Variants in SLC12A6 observed in about 807,000 individuals in gnomAD.
SLC12A6 encodes K-Cl cotransporter 3.
A neutral mutation model predicts 135.3 loss-of-function variants in SLC12A6; 66 were observed. That is an observed-to-expected ratio of 0.49 (90% CI 0.40 to 0.60). The LOEUF is 0.60. Among genes scored for constraint, SLC12A6 ranks in the 20% least tolerant of loss-of-function variants. The pLI, the probability that SLC12A6 is intolerant of heterozygous loss-of-function variation, is 0.00. For missense variants in SLC12A6, 1,058 were observed against 1,452.3 expected (o/e 0.73, Z 4.41); for synonymous variants, 513 against 508.8 (o/e 1.01, Z -0.11).
chr15:34,328,991 T>G (rs1228724767), intron 2 of SLC12A6, among the ~76,000 whole-genome samples: 2 of 152,258 alleles, frequency 1.3e-5, no homozygotes, highest in Non-Finnish European at 1.5e-5. Flanking sequence ...GTAAAACTTA[T>G]AAAACTTCAT....
Position 34,240,711 on chromosome 15 carries a change from T to A in SLC12A6, c.2386A>T (p.Ile796Phe). 6.2e-7 allele frequency: 1 copy of A among 1,614,088 alleles called. No homozygotes were observed. The highest frequency in any genetic ancestry group is 1.1e-5 in the South Asian group (1 of 91,086). ...TAGTTCTCTAGGAAGTTCCCCACGA[T>A]GACAGAGCCCACAATAGTGAGACCT... ...GKGLTIVGSV[I>F]VGNFLENYGE... Residue 796 changes from isoleucine to phenylalanine, a missense_variant, in exon 19 of 26, where the codon ATC (isoleucine) becomes TTC (phenylalanine). By Grantham distance (21) the Ile-to-Phe change is conservative (BLOSUM62 0). Around this residue, in one of 6 missense-constraint regions of SLC12A6, gnomAD observed 31 missense variants for 24.3 expected, o/e 1.28. Transcript: ENST00000354181.
chr15:34,331,980 C>T (rs915247837), intron 2 of SLC12A6, among the ~76,000 whole-genome samples: 5 of 152,130 alleles, frequency 3.3e-5, no homozygotes, highest in African/African-American at 1.2e-4. Context: ...GAGAAATGCT[C>T]TACCTCTGAA....
intron 10 of SLC12A6, 144 bp from the exon 11 acceptor site, chr15:34,251,201 A>G (rs1415158296): frequency 3.0e-6 from 2 of 675,650 alleles, no homozygotes; most frequent in Admixed American, 2.6e-5. Flanking sequence ...ACATGTATAC[A>G]CACACATTGC....
chr15:34,313,288 T>C (rs1286516469), intron 2 of SLC12A6, among the ~76,000 whole-genome samples: 2 of 152,192 alleles, frequency 1.3e-5, no homozygotes, highest in Admixed American at 6.5e-5. Flanking sequence ...AACACATAAA[T>C]GTTAAGAAAG....
chr15:34,306,527 A>C (rs1896622541), intron 2 of SLC12A6, among the ~76,000 whole-genome samples: 4 of 152,160 alleles, frequency 2.6e-5, no homozygotes, highest in Admixed American at 1.3e-4. Context: ...CAGAGTTCTC[A>C]CACAGCCCAT....
rs1894232038 is a variant in SLC12A6, at chr15:34,275,373, G to T, written c.288C>A (p.Ser96=). Residue 96 remains serine (S), a synonymous_variant, in exon 3 of 26, where the codon TCC becomes TCA. Coordinates refer to ENST00000354181, the MANE Select transcript of SLC12A6 (RefSeq NM_001365088.1). ...ACAGTTGGCTGTGTTCCCCTGTGAT[G>T]GAGTTCTGACTCAGGTCTGAAAAAC... is the stretch of plus-strand genomic sequence containing the variant. ...QDVIEDLSQN[S]ITGEHSQLLD... 1.3e-6 allele frequency: 2 copies of T among 1,542,404 alleles called. No individual in the cohort carries two copies. Among genetic ancestry groups the T allele is most frequent in the African/African-American group, 1.4e-5 (1 of 73,486 alleles).
intron 2 of SLC12A6, among the ~76,000 whole-genome samples, chr15:34,302,019 TAA>T (rs1332475361): frequency 4.6e-5 from 7 of 152,234 alleles, no homozygotes; most frequent in Non-Finnish European, 8.8e-5. Flanking sequence ...TACATTAGAT[TAA>T]GTTGTGTTGA....
Position 34,254,591 on chromosome 15 carries a change from T to C in SLC12A6, c.877-2A>G. ...GGCAGCTCGGGGGACGATATAGACC[T>C]GTTAGGTAAAAATAAAGGAGAAAAT... On this transcript the variant is annotated splice_acceptor_variant, in intron 8 of 25. Coordinates refer to ENST00000354181, the MANE Select transcript of SLC12A6 (RefSeq NM_001365088.1). LOFTEE classifies it high-confidence loss of function. 1.2e-6 allele frequency: 2 copies of C among 1,600,402 alleles called. No homozygotes were observed. The highest frequency in any genetic ancestry group is 1.7e-6 in the Non-Finnish European group (2 of 1,167,504).
chr15:34,285,538 G>A (rs186857309), intron 2 of SLC12A6, among the ~76,000 whole-genome samples: 4 of 151,722 alleles, frequency 2.6e-5, no homozygotes, highest in Admixed American at 2.6e-4. Context: ...CAGCTTAGTA[G>A]GGAATCCTGT....
intron 2 of SLC12A6, among the ~76,000 whole-genome samples, chr15:34,279,707 G>C (rs547573709): frequency 6.6e-5 from 10 of 152,238 alleles, no homozygotes; most frequent in Non-Finnish European, 1.0e-4. Context: ...TGCCAATAAT[G>C]TCACTAGTTT....
In SLC12A6 at chr15:34,236,821, A is replaced by G; in HGVS notation, c.2935-6T>C. 1 of 1,553,638 alleles carries G rather than the reference A, an allele frequency of 6.4e-7. No homozygotes were observed. On this transcript the variant is annotated splice_polypyrimidine_tract_variant and splice_region_variant and intron_variant, in intron 22 of 25. Coordinates refer to ENST00000354181, the MANE Select transcript of SLC12A6 (RefSeq NM_001365088.1). ...GCTGATATATCACTGTCATGCTGCC[A>G]TAGACATCACATAAAAGGGGCAAAA...
Position 34,336,676 on chromosome 15 carries a change from T to C in SLC12A6, c.5A>G (p.His2Arg). The change falls in exon 2 of 26, where the codon CAT becomes CGT. Residue 2 changes from histidine to arginine, a missense_variant. Physicochemically the swap from His to Arg is conservative, Grantham distance 29. Transcript: ENST00000354181. M[H>R]PPETTTKMAS... The stretch of plus-strand genomic sequence containing the variant: ...CATCTTGGTGGTGGTTTCTGGAGGA[T>C]GCATTTTGTTCTTTTTAAGAACAAA... The C allele has an allele frequency of 6.2e-7, 1 of 1,614,046 alleles. No homozygotes were observed.
At chr15:34,289,121 T>C (rs573466914) in intron 2 of SLC12A6, among the ~76,000 whole-genome samples, 4 of 152,194 alleles carry the variant, frequency 2.6e-5, no homozygotes, top group Non-Finnish European at 5.9e-5. Flanking sequence ...GGCTGTGGGT[T>C]TGACATGAAT....
chr15:34,282,478 C>T (rs1894754245), intron 2 of SLC12A6, among the ~76,000 whole-genome samples: 1 of 152,198 alleles, frequency 6.6e-6, no homozygotes, highest in South Asian at 2.1e-4. Flanking sequence ...CCTGGCTGGG[C>T]ACAGTGCTTC....
chr15:34,292,726 G>A (rs185880418), intron 2 of SLC12A6, among the ~76,000 whole-genome samples: 1 of 150,446 alleles, frequency 6.6e-6, no homozygotes, highest in Admixed American at 6.6e-5. Flanking sequence ...AATGGCAGAC[G>A]CCCCTTGCCC....
Position 34,302,653 on chromosome 15 carries a change from C to T in SLC12A6, c.272-27264G>A, listed in dbSNP as rs530235717. Among the ~76,000 whole-genome samples the T allele has an allele frequency of 2.2e-3, 338 of 151,972 alleles. 3 individuals carry two copies. Among genetic ancestry groups the T allele is most frequent in the African/African-American group, 8.0e-3 (331 of 41,456 alleles). On this transcript the variant is annotated intron_variant, in intron 2 of 25. Coordinates refer to ENST00000354181, the MANE Select transcript of SLC12A6 (RefSeq NM_001365088.1). ...GAGGTTGCAGTAAGCTGAGATTGTG[C>T]CACTGCACTCCAGCCTGGGTGACAC...
intron 2 of SLC12A6, among the ~76,000 whole-genome samples, chr15:34,305,912 C>T (rs149966738): frequency 4.6e-5 from 7 of 152,092 alleles, no homozygotes; most frequent in African/African-American, 1.4e-4. Flanking sequence ...CGCCCACCAC[C>T]GCGCCCGGCT....
At chr15:34,257,564 TC>T (rs1366132131) in intron 6 of SLC12A6, 77 bp downstream of exon 6, 8 of 1,050,840 alleles carry the variant, frequency 7.6e-6, no homozygotes, top group South Asian at 1.3e-5. Flanking sequence ...TTTGTTTTAT[TC>T]CCAAAGAGGT....
rs1890284111 is a variant in SLC12A6, at chr15:34,337,605, G to C, written c.-346C>G. The C allele has an allele frequency of 6.6e-6, 1 of 152,138 alleles. No homozygotes were observed. Among genetic ancestry groups the C allele is most frequent in the Non-Finnish European group, 1.5e-5 (1 of 68,128 alleles). The allele number at this position is 152,138 out of a possible 1,614,324, so 9.4% of individuals were successfully genotyped here. On this transcript the variant is annotated 5_prime_UTR_variant, in exon 1 of 26. Coordinates refer to ENST00000354181, the MANE Select transcript of SLC12A6 (RefSeq NM_001365088.1). ...CGGAGGCGCGTTCTCCCCTACCCCCGCCCCGGCGCAGGTCACCCCCTCGTC... is the reference window on the plus strand; with the variant it reads ...CGGAGGCGCGTTCTCCCCTACCCCCCCCCCGGCGCAGGTCACCCCCTCGTC...
Sources: allele counts gnomAD v4.1 joint callset (sites outside exome capture counted in the v4.1 genomes callset), GRCh38; gene constraint gnomAD v4.1.1; regional missense constraint gnomAD v4.1.1; transcripts MANE v1.5; gene names NCBI Gene and HGNC (gene_info 2026-07-23, HGNC 2026-07-21).